Variants in DPP10 observed in about 807,000 individuals in gnomAD.
The protein encoded by DPP10 is dipeptidyl peptidase like 10, also known as inactive dipeptidyl peptidase 10.
In DPP10, 33 loss-of-function variants were observed where a neutral mutation model predicts 120.9. The observed-to-expected ratio is 0.27, with a 90% CI of 0.21 to 0.37. The LOEUF is 0.37. Among genes scored for constraint, DPP10 ranks in the 10% least tolerant of loss-of-function variants. The pLI is 1.00. For missense variants in DPP10, 816 were observed against 942.8 expected (o/e 0.87, Z 1.76); for synonymous variants, 337 against 326.1 (o/e 1.03, Z -0.36).
chr2:115,623,274 C>G (rs929129752), intron 5 of DPP10, among the ~76,000 whole-genome samples: 10 of 151,990 alleles, frequency 6.6e-5, no homozygotes, highest in Admixed American at 3.3e-4. Context: ...GTTCACCAGC[C>G]TCTGCTTTAG....
At chr2:114,961,186 C>G (rs1698598546) in intron 1 of DPP10, among the ~76,000 whole-genome samples, 1 of 151,774 alleles carries the variant, frequency 6.6e-6, no homozygotes, top group Non-Finnish European at 1.5e-5. Flanking sequence ...TCCCAGGTAG[C>G]TGGGATTACA....
At chr2:115,694,907 T>C (rs549112622) in intron 7 of DPP10, among the ~76,000 whole-genome samples, 1 of 152,282 alleles carries the variant, frequency 6.6e-6, no homozygotes, top group Admixed American at 6.5e-5. Context: ...GAGGGCCCTG[T>C]GATGCAAATA....
At position 114,705,951 on chromosome 2, in the gene DPP10, T is replaced by C. The variant is rs560317263; in HGVS notation, c.60+263113T>C. 5.3e-5 allele frequency among the ~76,000 whole-genome samples: 8 copies of C among 152,336 alleles called. No individual in the cohort carries two copies. In the East Asian group the frequency reaches 1.5e-3, roughly 29 times the overall value. Reference sequence around the variant, plus strand: ...CTCTCATGGTAGCAAAGTAGCTCTATTTGTTCCAAGGGTTCATATGAATAT... The same window carrying C: ...CTCTCATGGTAGCAAAGTAGCTCTACTTGTTCCAAGGGTTCATATGAATAT... On this transcript the variant is annotated intron_variant, in intron 1 of 25. Coordinates refer to ENST00000410059, the MANE Select transcript of DPP10 (RefSeq NM_020868.6).
intron 7 of DPP10, among the ~76,000 whole-genome samples, chr2:115,701,179 TC>T (rs1397202766): frequency 6.6e-6 from 1 of 152,074 alleles, no homozygotes; most frequent in Non-Finnish European, 1.5e-5. Flanking sequence ...CACTACTGAT[TC>T]AAAACTTACT....
rs188544408 is a variant in DPP10 at position 115,431,258 on chromosome 2, C to T, written c.272-68252C>T. Among the ~76,000 whole-genome samples, 6 of 152,192 alleles carry T rather than the reference C, an allele frequency of 3.9e-5. No individual in the cohort carries two copies. The East Asian group carries it at 1.2e-3, about 30-fold the overall frequency. ...GAGAGTCTGGAGGACAAGTCCATGA[C>T]TGTAAGGAGGTCATGGAGAAACAAG... is the stretch of plus-strand genomic sequence containing the variant. On this transcript the variant is annotated intron_variant, in intron 3 of 25. Transcript: ENST00000410059.
chr2:115,310,001 A>G (rs2061515788), intron 2 of DPP10, among the ~76,000 whole-genome samples: 1 of 152,076 alleles, frequency 6.6e-6, no homozygotes, highest in Admixed American at 6.6e-5. Context: ...TACCCAGGAG[A>G]TTCATTACTC....
intron 1 of DPP10, among the ~76,000 whole-genome samples, chr2:114,824,604 A>T (rs990816454): frequency 2.0e-5 from 3 of 151,654 alleles, no homozygotes; most frequent in African/African-American, 4.9e-5. Flanking sequence ...TCAGAGTTCC[A>T]TGTTAGTTTT....
intron 1 of DPP10, among the ~76,000 whole-genome samples, chr2:114,906,828 T>C (rs913680571): frequency 6.6e-6 from 1 of 152,158 alleles, no homozygotes; most frequent in African/African-American, 2.4e-5. Context: ...ATGGTGCTTT[T>C]GTGTTGTTTG....
intron 1 of DPP10, among the ~76,000 whole-genome samples, chr2:115,278,357 G>A (rs2060002114): frequency 6.6e-6 from 1 of 152,092 alleles, no homozygotes; most frequent in African/African-American, 2.4e-5. Context: ...CTTCATTTCT[G>A]GAATAGTTAC....
At position 115,842,350 on chromosome 2, in the gene DPP10, C is replaced by T; in HGVS notation, c.*5C>T. 6.2e-7 allele frequency: 1 copy of T among 1,613,182 alleles called. No individual in the cohort carries two copies. Among genetic ancestry groups the T allele is most frequent in the Non-Finnish European group, 8.5e-7 (1 of 1,179,568 alleles). On this transcript the variant is annotated 3_prime_UTR_variant, in exon 26 of 26. Coordinates refer to ENST00000410059, the MANE Select transcript of DPP10 (RefSeq NM_020868.6). The stretch of plus-strand genomic sequence containing the variant: ...GAACCAGAAGAAGATGAATAATGGA[C>T]TGTATTTATACAGAACTGAAGGGAA...
At chr2:115,053,781 C>T (rs895165472) in intron 1 of DPP10, among the ~76,000 whole-genome samples, 6 of 152,106 alleles carry the variant, frequency 3.9e-5, no homozygotes, top group Non-Finnish European at 5.9e-5. Flanking sequence ...CTGAAACTCA[C>T]AATCATGTTA....
At chr2:115,166,464 T>C (rs1458001369) in intron 1 of DPP10, among the ~76,000 whole-genome samples, 1 of 147,770 alleles carries the variant, frequency 6.8e-6, no homozygotes, top group East Asian at 2.0e-4. Context: ...CATTTCCTAC[T>C]CTCCCTGAAT....
intron 3 of DPP10, among the ~76,000 whole-genome samples, chr2:115,371,192 T>A (rs929357610): frequency 6.6e-6 from 1 of 152,144 alleles, no homozygotes; most frequent in Non-Finnish European, 1.5e-5. Flanking sequence ...CAACTTTTGC[T>A]TTCACCCGCC....
intron 2 of DPP10, among the ~76,000 whole-genome samples, chr2:115,322,578 G>A (rs1469469746): frequency 1.3e-5 from 2 of 152,054 alleles, no homozygotes; most frequent in Non-Finnish European, 2.9e-5. Flanking sequence ...TATAGTTGAA[G>A]CCCAGCATAA....
intron 1 of DPP10, among the ~76,000 whole-genome samples, chr2:114,875,363 T>A (rs961230966): frequency 6.6e-6 from 1 of 152,150 alleles, no homozygotes; most frequent in African/African-American, 2.4e-5. Flanking sequence ...AATTACAACC[T>A]AGCATAGTGT....
At chr2:115,769,438 T>A (rs1419867478) in intron 13 of DPP10, among the ~76,000 whole-genome samples, 2 of 152,070 alleles carry the variant, frequency 1.3e-5, no homozygotes. Flanking sequence ...TGTCACTAAT[T>A]TAAAATTTAA....
At chr2:115,593,524 C>T (rs2082800988) in intron 5 of DPP10, among the ~76,000 whole-genome samples, 1 of 151,774 alleles carries the variant, frequency 6.6e-6, no homozygotes, top group Admixed American at 6.6e-5. Context: ...AAGAAAAGCA[C>T]AGTTTTAATT....
intron 1 of DPP10, among the ~76,000 whole-genome samples, chr2:115,084,888 A>G (rs1187199942): frequency 6.6e-6 from 1 of 152,214 alleles, no homozygotes; most frequent in African/African-American, 2.4e-5. Context: ...CCTCAGAAAA[A>G]TGCATTAGCA....
intron 1 of DPP10, among the ~76,000 whole-genome samples, chr2:114,709,054 C>G (rs539682963): frequency 1.3e-5 from 2 of 152,228 alleles, no homozygotes; most frequent in African/African-American, 4.8e-5. Flanking sequence ...CAGCGCCCAG[C>G]CCCATTGCTT....
Sources: allele counts gnomAD v4.1 joint callset (sites outside exome capture counted in the v4.1 genomes callset), GRCh38; gene constraint gnomAD v4.1.1; transcripts MANE v1.5; gene names NCBI Gene and HGNC (gene_info 2026-07-23, HGNC 2026-07-21).